XNDC1N: variants seen among roughly 807,000 people sequenced by gnomAD.
XNDC1N encodes the protein XRCC1 N-terminal domain containing 1, N-terminal like, also known as protein XNDC1N.
chr11:71,924,914 A>T, the XNDC1N span, among the ~76,000 whole-genome samples: 1 of 152,086 alleles, frequency 6.6e-6, no homozygotes, highest in African/African-American at 2.4e-5. Flanking sequence ...ATTCATGTTT[A>T]CTACCCATCT....
At chr11:71,891,418 AG>A in the XNDC1N span, among the ~76,000 whole-genome samples, 1 of 151,720 alleles carries the variant, frequency 6.6e-6, no homozygotes, top group Non-Finnish European at 1.5e-5. Context: ...ATGACTAACA[AG>A]GTCATGGGGA....
chr11:71,897,640 A>G, the XNDC1N span, among the ~76,000 whole-genome samples: 3 of 152,194 alleles, frequency 2.0e-5, no homozygotes, highest in Non-Finnish European at 1.5e-5. Flanking sequence ...GGAGTGGGGG[A>G]AAATAGTATG....
At chr11:71,875,070 T>C in the XNDC1N span, among the ~76,000 whole-genome samples, 3 of 152,154 alleles carry the variant, frequency 2.0e-5, no homozygotes, top group Non-Finnish European at 4.4e-5. Flanking sequence ...GACAATCTCA[T>C]AACATTTAAA....
chr11:71,903,651 T>TC, the XNDC1N span: 16 of 22,146 alleles, frequency 7.2e-4, no homozygotes, highest in East Asian at 1.2e-3. Flanking sequence ...TTTTTTTTTC[T>TC]TTTTTTTTTT....
At chr11:71,886,199 C>T in the XNDC1N span, among the ~76,000 whole-genome samples, 34 of 152,022 alleles carry the variant, frequency 2.2e-4, no homozygotes, top group Admixed American at 1.8e-3. Context: ...AACAATACAC[C>T]GTCCTATACC....
At chr11:71,921,805 G>A in the XNDC1N span, among the ~76,000 whole-genome samples, 1 of 152,084 alleles carries the variant, frequency 6.6e-6, no homozygotes, top group Admixed American at 6.6e-5. Context: ...TCTCTAAAGA[G>A]TACAGTGGAA....
At chr11:71,928,465 C>T in the XNDC1N span, 1 of 702,548 alleles carries the variant, frequency 1.4e-6, no homozygotes, top group Non-Finnish European at 2.6e-6. Context: ...CTTCTGACCC[C>T]GAGAGCTACT....
the XNDC1N span, chr11:71,903,271 C>T: frequency 7.8e-6 from 10 of 1,274,702 alleles, no homozygotes; most frequent in East Asian, 1.6e-4. Context: ...AGCCGGTCGT[C>T]GCTGGGCTGT....
At chr11:71,893,499 C>A in the XNDC1N span, 1 of 766,692 alleles carries the variant, frequency 1.3e-6, no homozygotes, top group Non-Finnish European at 2.4e-6. Context: ...TCTGAGAATT[C>A]CTCCTCCTGG....
chr11:71,912,841 C>T, the XNDC1N span, among the ~76,000 whole-genome samples: 304 of 152,070 alleles, frequency 2.0e-3, 2 homozygotes, highest in African/African-American at 5.8e-3. Flanking sequence ...AACAGCCCTG[C>T]GATATTGAGA....
At chr11:71,928,460 G>C in the XNDC1N span, 6 of 702,114 alleles carry the variant, frequency 8.5e-6, no homozygotes, top group Admixed American at 2.0e-5. Flanking sequence ...TTCGCCTTCT[G>C]ACCCCGAGAG....
chr11:71,908,714 C>T, the XNDC1N span, among the ~76,000 whole-genome samples: 4 of 152,156 alleles, frequency 2.6e-5, no homozygotes, highest in African/African-American at 7.2e-5. Flanking sequence ...GTTATCCAGA[C>T]CCACAACCCC....
chr11:71,886,155 GC>G, the XNDC1N span, among the ~76,000 whole-genome samples: 1 of 152,006 alleles, frequency 6.6e-6, no homozygotes, highest in East Asian at 1.9e-4. Context: ...TTGGGTACCA[GC>G]CCTTCACCTG....
the XNDC1N span, among the ~76,000 whole-genome samples, chr11:71,889,989 G>T: frequency 4.6e-5 from 7 of 152,276 alleles, no homozygotes; most frequent in Non-Finnish European, 1.0e-4. Context: ...TGGTTGCCTT[G>T]GTACAGAAGA....
the XNDC1N span, among the ~76,000 whole-genome samples, chr11:71,912,020 C>G: frequency 6.6e-6 from 1 of 152,186 alleles, no homozygotes; most frequent in Non-Finnish European, 1.5e-5. Flanking sequence ...GCCACAGCTG[C>G]TAGGAACTGC....
At chr11:71,876,208 A>G in the XNDC1N span, among the ~76,000 whole-genome samples, 1 of 152,208 alleles carries the variant, frequency 6.6e-6, no homozygotes, top group Non-Finnish European at 1.5e-5. Flanking sequence ...TATGTGCAAT[A>G]AAACTCTATA....
the XNDC1N span, among the ~76,000 whole-genome samples, chr11:71,873,079 T>C: frequency 6.6e-6 from 1 of 152,216 alleles, no homozygotes. Context: ...TAAATAACTC[T>C]ACAATGTTTC....
At chr11:71,910,161 C>A in the XNDC1N span, among the ~76,000 whole-genome samples, 3 of 152,298 alleles carry the variant, frequency 2.0e-5, no homozygotes, top group African/African-American at 7.2e-5. Flanking sequence ...ATGGAACACT[C>A]CCCTCCTGCC....
At chr11:71,886,257 C>A in the XNDC1N span, among the ~76,000 whole-genome samples, 27 of 152,102 alleles carry the variant, frequency 1.8e-4, no homozygotes, top group African/African-American at 5.8e-4. Context: ...TTATCCAGAC[C>A]CACAACCCCA....
Sources: allele counts gnomAD v4.1 joint callset (sites outside exome capture counted in the v4.1 genomes callset), GRCh38; gene constraint gnomAD v4.1.1; transcripts MANE v1.5; gene names NCBI Gene and HGNC (gene_info 2026-07-23, HGNC 2026-07-21).